Variants in ITPR1 observed in about 807,000 individuals in gnomAD.
ITPR1 encodes the protein inositol 1,4,5-trisphosphate receptor type 1, also known as inositol 1,4,5-trisphosphate-gated calcium channel ITPR1.
ITPR1 carries 96 observed loss-of-function variants against 318.4 expected under a neutral mutation model. That is an observed-to-expected ratio of 0.30 (90% CI 0.26 to 0.36). The LOEUF (loss-of-function observed/expected upper bound fraction) is 0.36, where lower values mean the gene tolerates loss of function less well. Ranked by LOEUF, ITPR1 falls within the 10% of genes least tolerant of loss-of-function variation. ITPR1 has a pLI of 1.00. For synonymous variants in ITPR1, 1,312 were observed against 1,289.9 expected, an observed-to-expected ratio of 1.02 and a Z score of -0.37; for missense variants, 2,440 against 3,460.2, an observed-to-expected ratio of 0.71 and a Z score of 7.40.
intron 35 of ITPR1, among the ~76,000 whole-genome samples, 199 bp from the exon 36 acceptor site, chr3:4,702,631 C>G (rs2094679542): frequency 6.6e-6 from 1 of 152,152 alleles, no homozygotes. Context: ...GTTGCTCTCC[C>G]TTGGCTAGGT....
chr3:4,677,987 A>T (rs997775308), intron 24 of ITPR1, among the ~76,000 whole-genome samples: 1 of 152,166 alleles, frequency 6.6e-6, no homozygotes, highest in Non-Finnish European at 1.5e-5. Context: ...ATTCATCAAC[A>T]AAATCATCTG....
intron 2 of ITPR1, among the ~76,000 whole-genome samples, chr3:4,514,183 A>G (rs925053421): frequency 6.6e-6 from 1 of 152,038 alleles, no homozygotes; most frequent in Admixed American, 6.6e-5. Context: ...TCTCTGTATT[A>G]CACCTCAGTG....
chr3:4,620,813 G>T (rs2639801), intron 4 of ITPR1, among the ~76,000 whole-genome samples: 1 of 151,332 alleles, frequency 6.6e-6, no homozygotes, highest in African/African-American at 2.4e-5. Flanking sequence ...AATTTGAATC[G>T]GGAGATTGGG....
chr3:4,610,767 G>A (rs114028319), intron 4 of ITPR1, among the ~76,000 whole-genome samples: 8,945 of 152,090 alleles, frequency 0.059, 365 homozygotes, highest in Middle Eastern at 0.095. Flanking sequence ...CCACAGGTCC[G>A]CCCAGCTATG....
intron 4 of ITPR1, among the ~76,000 whole-genome samples, chr3:4,531,310 C>T (rs1213595410): frequency 2.0e-5 from 3 of 152,160 alleles, no homozygotes; most frequent in African/African-American, 4.8e-5. Context: ...GGTCTCCATT[C>T]GATATTGAAT....
intron 15 of ITPR1, among the ~76,000 whole-genome samples, chr3:4,662,509 G>A (rs2093856248): frequency 6.6e-6 from 1 of 152,130 alleles, no homozygotes; most frequent in Admixed American, 6.5e-5. Flanking sequence ...GATTACTTGA[G>A]GTCAGCAGTT....
intron 40 of ITPR1, among the ~76,000 whole-genome samples, chr3:4,719,186 C>G (rs2041974817): frequency 6.6e-6 from 1 of 152,180 alleles, no homozygotes; most frequent in Non-Finnish European, 1.5e-5. Flanking sequence ...AGAATACTGT[C>G]TGTTTATAAA....
chr3:4,627,239 A>G (rs9824290), intron 4 of ITPR1, among the ~76,000 whole-genome samples: 2,057 of 152,228 alleles, frequency 0.014, 63 homozygotes, highest in African/African-American at 0.047. Context: ...TTATTTGTTC[A>G]TTGTAAAGGA....
chr3:4,573,701 C>T (rs868074581), intron 4 of ITPR1, among the ~76,000 whole-genome samples: 2 of 152,220 alleles, frequency 1.3e-5, no homozygotes, highest in Non-Finnish European at 2.9e-5. Flanking sequence ...TCGATGTTTC[C>T]TCCACCTGGG....
intron 49 of ITPR1, among the ~76,000 whole-genome samples, chr3:4,782,144 A>G (rs758769828): frequency 4.6e-5 from 7 of 152,206 alleles, no homozygotes; most frequent in Non-Finnish European, 8.8e-5. Context: ...GCTGTTGGGG[A>G]CTGGGAAAAT....
chr3:4,732,393 C>G (rs1426674547), intron 42 of ITPR1, among the ~76,000 whole-genome samples: 1 of 152,240 alleles, frequency 6.6e-6, no homozygotes, highest in South Asian at 2.1e-4. Context: ...CTCATGCCCA[C>G]TCTTGTCTCA....
intron 4 of ITPR1, among the ~76,000 whole-genome samples, chr3:4,611,270 A>C (rs1401716731): frequency 1.3e-5 from 2 of 150,298 alleles, no homozygotes; most frequent in South Asian, 2.1e-4. Flanking sequence ...ATGTACAAAA[A>C]TTAGCCCAGC....
In ITPR1 at chr3:4,549,524, TCCTCCCTTCCTC is replaced by T. The variant is rs2085350039; in HGVS notation, c.163+28432_163+28443del. On this transcript the variant is annotated intron_variant, in intron 4 of 61. Coordinates refer to ENST00000649015, the MANE Select transcript of ITPR1 (RefSeq NM_001378452.1). Reference sequence around the variant, plus strand: ...TTCCTTTTTCCCTTCCTCCCTTCCTTCCTCCCTTCCTCCTTTCCCCTTTTCTTTCTTTTCTCT... The same window carrying T: ...TTCCTTTTTCCCTTCCTCCCTTCCTTCTTTCCCCTTTTCTTTCTTTTCTCT... Among the ~76,000 whole-genome samples the T allele has an allele frequency of 2.1e-5, 3 of 143,988 alleles. No homozygotes were observed. In the South Asian group the frequency reaches 6.8e-4, roughly 33 times the overall value. The allele number at this position is 143,988 out of a possible 152,430, so 94.5% of individuals were successfully genotyped here.
intron 49 of ITPR1, among the ~76,000 whole-genome samples, chr3:4,781,681 C>T (rs2046847459): frequency 6.6e-6 from 1 of 152,140 alleles, no homozygotes; most frequent in African/African-American, 2.4e-5. Context: ...CTTCCTCATC[C>T]ACTAACAAAA....
At chr3:4,678,285 A>G (rs555589780) in intron 24 of ITPR1, among the ~76,000 whole-genome samples, 153 of 152,326 alleles carry the variant, frequency 1.0e-3, no homozygotes, top group Admixed American at 1.8e-3. Flanking sequence ...ATTTTTTAAT[A>G]AATTTTATTT....
intron 4 of ITPR1, among the ~76,000 whole-genome samples, chr3:4,601,858 G>T (rs1187085836): frequency 6.6e-6 from 1 of 152,106 alleles, no homozygotes; most frequent in Admixed American, 6.5e-5. Context: ...AATAGTAAAA[G>T]ACAAATAGCC....
At chr3:4,817,024 A>G (rs1275976112) in intron 59 of ITPR1, among the ~76,000 whole-genome samples, 5 of 152,062 alleles carry the variant, frequency 3.3e-5, no homozygotes, top group Admixed American at 2.6e-4. Flanking sequence ...TCAATGGGCT[A>G]TTTATTTTGA....
At chr3:4,569,627 A>G (rs2087769441) in intron 4 of ITPR1, among the ~76,000 whole-genome samples, 1 of 152,220 alleles carries the variant, frequency 6.6e-6, no homozygotes, top group South Asian at 2.1e-4. Flanking sequence ...CATGGAACCT[A>G]TGATCTAAAA....
chr3:4,618,927 A>G (rs1285819907), intron 4 of ITPR1, among the ~76,000 whole-genome samples: 1 of 152,226 alleles, frequency 6.6e-6, no homozygotes, highest in Non-Finnish European at 1.5e-5. Context: ...CCACACAACT[A>G]TTTAAAAACT....
Sources: gnomAD v4.1 joint callset for allele counts (sites outside exome capture counted in the v4.1 genomes callset) on GRCh38, gnomAD v4.1.1 for gene constraint, MANE v1.5 for transcripts, NCBI Gene and HGNC (gene_info 2026-07-23, HGNC 2026-07-21) for gene names.